Variants in PCNT observed in about 807,000 individuals in gnomAD.
The protein encoded by PCNT is kendrin.
Under a neutral mutation model 380.4 loss-of-function variants are expected in PCNT, and 319 were observed. That is an observed-to-expected ratio of 0.84 (90% CI 0.77 to 0.92). The LOEUF (loss-of-function observed/expected upper bound fraction) is 0.92, where lower values mean the gene tolerates loss of function less well. Ranked by LOEUF, PCNT falls within the 40% of genes least tolerant of loss-of-function variation. PCNT has a pLI of 0.00. For missense variants in PCNT, 4,400 were observed against 4,255.3 expected, an observed-to-expected ratio of 1.03 and a Z score of -0.95; for synonymous variants, 1,845 against 1,735.2, an observed-to-expected ratio of 1.06 and a Z score of -1.57.
rs189239245 is a variant in PCNT, at chr21:46,438,893, A to C, written c.9273+556A>C. Among the ~76,000 whole-genome samples, 32 of 152,006 alleles carry C rather than the reference A, an allele frequency of 2.1e-4. No individual in the cohort carries two copies. In the Middle Eastern group the frequency reaches 0.014, roughly 65 times the overall value. Reference sequence around the variant, plus strand: ...TTGCCATGTTGGCCAGGCTGGTCTCAAAATCCTGACGTGATTCCGCCCACC... The same window carrying C: ...TTGCCATGTTGGCCAGGCTGGTCTCCAAATCCTGACGTGATTCCGCCCACC... On this transcript the variant is annotated intron_variant, in intron 41 of 46. Coordinates refer to ENST00000359568, the MANE Select transcript of PCNT (RefSeq NM_006031.6).
At chr21:46,373,569 C>G (rs1290991542) in intron 15 of PCNT, among the ~76,000 whole-genome samples, 1 of 141,738 alleles carries the variant, frequency 7.1e-6, no homozygotes, top group African/African-American at 2.6e-5. Context: ...GTAGCTGGGA[C>G]TACAGGCATG....
At chr21:46,384,931 A>G (rs1379352533) in intron 16 of PCNT, among the ~76,000 whole-genome samples, 1 of 152,252 alleles carries the variant, frequency 6.6e-6, no homozygotes, top group East Asian at 1.9e-4. Flanking sequence ...TCAGTGGTGC[A>G]GGCACATTCA....
chr21:46,416,910 G>A, intron 30 of PCNT, 71 bp downstream of exon 30: 3 of 1,497,654 alleles, frequency 2.0e-6, no homozygotes, highest in Non-Finnish European at 2.7e-6. Context: ...CACGGCAGCT[G>A]CCATTGTTTG....
chr21:46,375,537 A>G (rs1247665506), intron 15 of PCNT, among the ~76,000 whole-genome samples: 3 of 152,358 alleles, frequency 2.0e-5, no homozygotes, highest in East Asian at 1.9e-4. Flanking sequence ...AACATGGTCA[A>G]TTTAAAGAGT....
intron 21 of PCNT, among the ~76,000 whole-genome samples, chr21:46,392,242 A>T (rs757280940): frequency 6.6e-6 from 1 of 151,596 alleles, no homozygotes; most frequent in Non-Finnish European, 1.5e-5. Context: ...TTTTTTTGAG[A>T]TGGAGTCTCG....
At chr21:46,350,916 G>A (rs1183705279) in intron 8 of PCNT, among the ~76,000 whole-genome samples, 3 of 152,236 alleles carry the variant, frequency 2.0e-5, no homozygotes, top group African/African-American at 4.8e-5. Context: ...AGGAAATCAC[G>A]CCATGCTGCG....
At position 46,389,109 on chromosome 21, in the gene PCNT, A is replaced by G. The variant is rs1781673914; in HGVS notation, c.3608-90A>G. The G allele has an allele frequency of 2.2e-6, 3 of 1,391,984 alleles. No individual in the cohort carries two copies. In the South Asian group the frequency reaches 3.6e-5, roughly 17 times the overall value. 86.2% of individuals were successfully genotyped at this position (1,391,984 alleles called of 1,614,324 possible). ...TCATCTCGGCTGGGGCGACGTTCTG[A>G]GTTCTGTGGCTTCCTTGTCGTCTTG... On this transcript the variant is annotated intron_variant, in intron 18 of 46. Coordinates refer to ENST00000359568, the MANE Select transcript of PCNT (RefSeq NM_006031.6).
intron 2 of PCNT, among the ~76,000 whole-genome samples, chr21:46,333,302 C>T (rs565111497): frequency 6.7e-4 from 102 of 151,258 alleles, no homozygotes; most frequent in African/African-American, 2.3e-3. Flanking sequence ...CATGGTGGCA[C>T]GCGCCTGTAG....
rs762686436 is a variant in PCNT, at chr21:46,347,502, A to G, written c.1022A>G (p.Gln341Arg). 8 of 1,614,110 alleles carry G rather than the reference A, an allele frequency of 5.0e-6. No homozygotes were observed. The South Asian group carries it at 7.7e-5, about 16-fold the overall frequency. ...CAATCAGAAATGGAGAAAAACGCCC[A>G]GATAGTAAAGGTACCCGGGATCGAT... ...KLQSEMEKNA[Q>R]IVKTLKEDWE... Residue 341 changes from glutamine to arginine, a missense_variant, in exon 6 of 47, where the codon CAG (glutamine) becomes CGG (arginine). Coordinates refer to ENST00000359568, the MANE Select transcript of PCNT (RefSeq NM_006031.6).
intron 8 of PCNT, 27 bp downstream of exon 8, chr21:46,349,847 A>C: frequency 6.2e-7 from 1 of 1,609,638 alleles, no homozygotes; most frequent in Non-Finnish European, 8.5e-7. Context: ...TTATTTAATT[A>C]CTTGGTATAT....
chr21:46,398,043 C>G lies in PCNT; in HGVS notation c.4476C>G (p.Arg1492=). 6.3e-7 allele frequency: 1 copy of G among 1,593,188 alleles called. No individual in the cohort carries two copies. The highest frequency in any genetic ancestry group is 2.3e-5 in the East Asian group (1 of 43,990). ...AGGCAGCCGAGCGGGAGCACGAGCGCGAGGAGTTCCAGCAGGAGATTCAGA... is the reference window on the plus strand; with the variant it reads ...AGGCAGCCGAGCGGGAGCACGAGCGGGAGGAGTTCCAGCAGGAGATTCAGA... ...DEQAAEREHE[R]EEFQQEIQRL... The change falls in exon 23 of 47, where the codon CGC becomes CGG. Residue 1492 remains arginine, a synonymous_variant. Coordinates refer to ENST00000359568, the MANE Select transcript of PCNT (RefSeq NM_006031.6).
At position 46,326,545 on chromosome 21, in the gene PCNT, T is replaced by C. The variant is rs552151367; in HGVS notation, c.223T>C (p.Cys75Arg). 10 of 1,614,036 alleles carry C rather than the reference T, an allele frequency of 6.2e-6. No homozygotes were observed. Among genetic ancestry groups the C allele is most frequent in the Non-Finnish European group, 8.5e-6 (10 of 1,180,018 alleles). Residue 75 changes from cysteine to arginine, a missense_variant, in exon 2 of 47, where the codon TGT becomes CGT. Cys to Arg is a radical substitution (Grantham distance 180). Transcript: ENST00000359568. ...GGGDICKSTS[C>R]DDTPDGAGGA... ...AGGGGACATTTGCAAAAGCACATCA[T>C]GTGACGACACCCCTGATGGGGCAGG...
At chr21:46,367,332 G>A (rs1413543703) in intron 15 of PCNT, among the ~76,000 whole-genome samples, 193 bp downstream of exon 15, 5 of 137,132 alleles carry the variant, frequency 3.6e-5, no homozygotes, top group South Asian at 2.3e-4. Context: ...TTTTTGAGCC[G>A]GAGTCTCACT....
chr21:46,348,828 C>T (rs557261247), intron 6 of PCNT, among the ~76,000 whole-genome samples, 184 bp from the exon 7 acceptor site: 6 of 151,728 alleles, frequency 4.0e-5, no homozygotes, highest in African/African-American at 1.2e-4. Context: ...CTATGTTGCC[C>T]GGGCTGGTCT....
intron 38 of PCNT, 122 bp downstream of exon 38, chr21:46,432,337 G>A: frequency 1.1e-6 from 1 of 940,116 alleles, no homozygotes; most frequent in Non-Finnish European, 1.7e-6. Context: ...GCTCTGGTCT[G>A]TGTGCCCTGA....
At chr21:46,429,917 C>T in intron 35 of PCNT, 93 bp from the exon 36 acceptor site, 1 of 969,668 alleles carries the variant, frequency 1.0e-6, no homozygotes, top group South Asian at 1.4e-5. Flanking sequence ...GCACATACAC[C>T]TCACGCCCCC....
At chr21:46,444,173 T>C (rs139525636) in intron 45 of PCNT, among the ~76,000 whole-genome samples, 150 of 152,292 alleles carry the variant, frequency 9.8e-4, no homozygotes, top group African/African-American at 3.6e-3. Flanking sequence ...CTGCCATCTT[T>C]AGTGAAAGAG....
At chr21:46,414,837 C>G (rs531039527) in intron 29 of PCNT, among the ~76,000 whole-genome samples, 2 of 149,914 alleles carry the variant, frequency 1.3e-5, no homozygotes, top group Non-Finnish European at 2.9e-5. Flanking sequence ...TCCTCCTCCT[C>G]CTGGACACAC....
At position 46,366,792 on chromosome 21, in the gene PCNT, G is replaced by T. The variant is rs775746964; in HGVS notation, c.2818G>T (p.Ala940Ser). 1.2e-6 allele frequency: 2 copies of T among 1,613,760 alleles called. No homozygotes were observed. The highest frequency in any genetic ancestry group is 1.6e-4 in the Middle Eastern group (1 of 6,062). The change falls in exon 15 of 47, where the codon GCT becomes TCT. Residue 940 changes from alanine (A) to serine (S), a missense_variant. Coordinates refer to ENST00000359568, the MANE Select transcript of PCNT (RefSeq NM_006031.6). ...AGCCTCCTTAGAGAGCAAGCAGGGG[G>T]CTCTGCTGGCTGCACGTGTGGCCGA... The part of the protein sequence containing the change: ...LTASLESKQG[A>S]LLAARVAELQ...
Sources: gnomAD v4.1 joint callset for allele counts (sites outside exome capture counted in the v4.1 genomes callset) on GRCh38, gnomAD v4.1.1 for gene constraint, MANE v1.5 for transcripts, NCBI Gene and HGNC (gene_info 2026-07-23, HGNC 2026-07-21) for gene names.